POLE: variants seen among roughly 807,000 people sequenced by gnomAD.
POLE encodes DNA polymerase epsilon catalytic subunit A.
POLE carries 188 observed loss-of-function variants against 279.2 expected under a neutral mutation model. That is an observed-to-expected ratio of 0.67 (90% confidence interval 0.60 to 0.76). The LOEUF (loss-of-function observed/expected upper bound fraction) is 0.76. Ranked by LOEUF, POLE falls within the 30% of genes least tolerant of loss-of-function variation. The pLI, the probability that POLE is intolerant of heterozygous loss-of-function variation, is 0.00. For synonymous variants in POLE, 1,214 were observed against 1,172.5 expected (o/e 1.04, Z -0.72); for missense variants, 2,703 against 3,016.7 (o/e 0.90, Z 2.44).
At chr12:132,676,496 A>T (rs2136015014) in intron 9 of POLE, 50 bp downstream of exon 9, 1 of 1,120,758 alleles carries the variant, frequency 8.9e-7, no homozygotes, top group Non-Finnish European at 1.4e-6. Flanking sequence ...TATGGGGACC[A>T]GACAAGGTCC....
chr12:132,680,333 G>C, intron 3 of POLE, 111 bp from the exon 4 acceptor site: 1 of 995,196 alleles, frequency 1.0e-6, no homozygotes, highest in East Asian at 2.4e-5. Context: ...GGCCAGGGTA[G>C]CCTTGACCTT....
chr12:132,649,166 G>C, intron 31 of POLE, 94 bp from the exon 32 acceptor site: 1 of 1,515,860 alleles, frequency 6.6e-7, no homozygotes, highest in Non-Finnish European at 9.0e-7. Flanking sequence ...CCCAGCACAG[G>C]GCCTTAGGCC....
rs371357642 is a variant in POLE at position 132,657,421 on chromosome 12, A to G, written c.3387T>C (p.Asp1129=). 1.1e-5 allele frequency: 18 copies of G among 1,614,100 alleles called. No individual in the cohort carries two copies. Among genetic ancestry groups the G allele is most frequent in the African/African-American group, 1.3e-5 (1 of 75,050 alleles). The change falls in exon 28 of 49, where the codon GAT becomes GAC. Residue 1129 remains aspartate (D), a synonymous_variant. Transcript: ENST00000320574. ...LQDFDIRAIL[D]WDYYIERLGS... Reference sequence around the variant, plus strand: ...CCAGCCGCTCAATGTAGTAGTCCCAATCCAGAATCTGCATGTGCAGGAAAC... The same window carrying G: ...CCAGCCGCTCAATGTAGTAGTCCCAGTCCAGAATCTGCATGTGCAGGAAAC...
rs2138595752 is a variant in POLE, at chr12:132,648,918, C to A, written c.4149+11G>T. The stretch of plus-strand genomic sequence containing the variant: ...CAGATGACTGCAGAGGCAGCACCAG[C>A]TCCTCCCTACCTTGCGATACGAAGC... On this transcript the variant is annotated intron_variant, in intron 32 of 48. Transcript: ENST00000320574. The A allele has an allele frequency of 7.5e-6, 12 of 1,606,176 alleles. No individual in the cohort carries two copies. Among genetic ancestry groups the A allele is most frequent in the Non-Finnish European group, 1.0e-5 (12 of 1,174,726 alleles).
At chr12:132,665,103 A>T (rs925748673) in intron 21 of POLE, among the ~76,000 whole-genome samples, 199 bp downstream of exon 21, 3 of 151,934 alleles carry the variant, frequency 2.0e-5, no homozygotes, top group Non-Finnish European at 2.9e-5. Context: ...TCACTCATGG[A>T]CACCCAGACC....
At chr12:132,641,434 G>A (rs982351146) in intron 39 of POLE, 2 of 589,804 alleles carry the variant, frequency 3.4e-6, no homozygotes, top group African/African-American at 3.7e-5. Context: ...GGAGGTCAGA[G>A]GCAGCACACT....
intron 3 of POLE, 41 bp downstream of exon 3, chr12:132,680,566 C>G: frequency 1.4e-6 from 2 of 1,445,430 alleles, no homozygotes; most frequent in Non-Finnish European, 1.9e-6. Context: ...ACATGAACAC[C>G]CATAAAAGTG....
chr12:132,645,728 C>T (rs532519149), intron 32 of POLE, among the ~76,000 whole-genome samples: 1 of 152,264 alleles, frequency 6.6e-6, no homozygotes, highest in East Asian at 1.9e-4. Context: ...CTGAATAATT[C>T]TCAAGCGAGA....
intron 40 of POLE, chr12:132,638,600 G>C (rs2042079745): frequency 6.0e-6 from 1 of 167,906 alleles, no homozygotes; most frequent in Non-Finnish European, 1.3e-5. Context: ...GTCCACAAGG[G>C]GCCTCTGTGG....
In POLE at chr12:132,639,421, C is replaced by T. The variant is rs1046688083; in HGVS notation, c.5379-123G>A. 9.8e-6 allele frequency: 8 copies of T among 815,560 alleles called. No homozygotes were observed. Among genetic ancestry groups the T allele is most frequent in the Admixed American group, 9.4e-5 (4 of 42,538 alleles). The allele number at this position is 815,560 out of a possible 1,614,324, so 50.5% of individuals were successfully genotyped here. A position where few individuals can be genotyped will look rare whatever the true frequency, so the allele number is the denominator to read the frequency against. ...CGGCTGGGTCCAAATCCGTCACTGT[C>T]GCCTCCCCTTCTCACTGTCCCCACC... On this transcript the variant is annotated intron_variant, in intron 39 of 48. Coordinates refer to ENST00000320574, the MANE Select transcript of POLE (RefSeq NM_006231.4). This position sits in a 1 kb window ranked among gnomAD's most constrained non-coding sequence, Gnocchi z 4.7.
At chr12:132,645,100 C>T (rs112512775) in intron 32 of POLE, among the ~76,000 whole-genome samples, 2 of 28,014 alleles carry the variant, frequency 7.1e-5, no homozygotes, top group Non-Finnish European at 1.2e-4. Flanking sequence ...CACCCTAGCT[C>T]CCTGTGTGGG....
chr12:132,626,939 G>A (rs1489903917), intron 45 of POLE, among the ~76,000 whole-genome samples: 1 of 152,202 alleles, frequency 6.6e-6, no homozygotes, highest in African/African-American at 2.4e-5. Context: ...GTTTCTCAGT[G>A]CATATAAAAG....
At chr12:132,649,226 A>G (rs912783605) in intron 31 of POLE, 80 bp downstream of exon 31, 113 of 1,537,684 alleles carry the variant, frequency 7.3e-5, no homozygotes, top group Middle Eastern at 1.7e-4. Flanking sequence ...CTCCCATCCC[A>G]GACCTCAGGG....
chr12:132,643,440 G>A lies in POLE; in HGVS notation c.4411C>T (p.Arg1471Cys), dbSNP rs528264567. Reference sequence around the variant, plus strand: ...AGGTAGCTGAACTGGGCCAGAGAGCGCATCTCCAGGTGCTCAAGAGCAAAG... The same window carrying A: ...AGGTAGCTGAACTGGGCCAGAGAGCACATCTCCAGGTGCTCAAGAGCAAAG... Reference protein sequence around the residue: ...ETFALEHLEMRSLAQFSYLEP... With the variant: ...ETFALEHLEMCSLAQFSYLEP... Residue 1471 changes from arginine to cysteine, a missense_variant, in exon 34 of 49, where the codon CGC (arginine) becomes TGC (cysteine). Coordinates refer to ENST00000320574, the MANE Select transcript of POLE (RefSeq NM_006231.4). The A allele has an allele frequency of 2.5e-5, 41 of 1,614,222 alleles. No individual in the cohort carries two copies. Among genetic ancestry groups the A allele is most frequent in the Admixed American group, 2.5e-4 (15 of 60,034 alleles).
intron 1 of POLE, among the ~76,000 whole-genome samples, chr12:132,686,336 C>G (rs11609235): frequency 0.38 from 58,013 of 151,984 alleles, 11,722 homozygotes; most frequent in Non-Finnish European, 0.46. Flanking sequence ...CGGCTCACAG[C>G]AGCCTTGACC....
chr12:132,640,446 C>G (rs2042119140), intron 39 of POLE, among the ~76,000 whole-genome samples: 1 of 152,262 alleles, frequency 6.6e-6, no homozygotes, highest in Non-Finnish European at 1.5e-5. Context: ...ACAGGTCACA[C>G]AAAAGCCACA....
intron 41 of POLE, 124 bp from the exon 42 acceptor site, chr12:132,636,148 A>G: frequency 9.5e-7 from 1 of 1,053,840 alleles, no homozygotes. Context: ...AAGTTCATTC[A>G]GACCACATCA....
In POLE at chr12:132,672,154, A is replaced by G. The variant is rs537214750; in HGVS notation, c.1794+61T>C. 1.9e-5 allele frequency: 22 copies of G among 1,129,462 alleles called. No homozygotes were observed. In the East Asian group the frequency reaches 5.2e-4, roughly 27 times the overall value. The allele number at this position is 1,129,462 out of a possible 1,614,324, so 70.0% of individuals were successfully genotyped here. The stretch of plus-strand genomic sequence containing the variant: ...TGCACAATAAACGTGCTGCTGAAAG[A>G]CGTGGTCTGTGAAGAAGGCGCCAAA... On this transcript the variant is annotated intron_variant, in intron 16 of 48. Transcript: ENST00000320574.
rs749768300 is a variant in POLE, at chr12:132,672,768, G to C, written c.1545C>G (p.Ile515Met). Reference protein sequence around the residue: ...LMVQAFHANIIFPNKQEQEFN... With the variant: ...LMVQAFHANIMFPNKQEQEFN... The stretch of plus-strand genomic sequence containing the variant: ...ACTCCTGCTCTTGCTTGTTGGGGAA[G>C]ATGATGTTGGCGTGGAAGGCCTGCA... The change falls in exon 15 of 49, where the codon ATC becomes ATG. Residue 515 changes from isoleucine (I) to methionine (M), a missense_variant. Physicochemically the swap from Ile to Met is conservative, Grantham distance 10. Transcript: ENST00000320574. The C allele has an allele frequency of 6.2e-7, 1 of 1,614,214 alleles. No individual in the cohort carries two copies. The highest frequency in any genetic ancestry group is 8.5e-7 in the Non-Finnish European group (1 of 1,180,042).
Sources: allele counts gnomAD v4.1 joint callset (sites outside exome capture counted in the v4.1 genomes callset), GRCh38; gene constraint gnomAD v4.1.1; non-coding constraint Gnocchi (gnomAD v3.1); transcripts MANE v1.5; gene names NCBI Gene and HGNC (gene_info 2026-07-23, HGNC 2026-07-21).